NET1: variants seen among roughly 807,000 people sequenced by gnomAD.
The protein encoded by NET1 is neuroepithelial cell-transforming gene 1 protein.
NET1 carries 42 observed loss-of-function variants against 61.1 expected under a neutral mutation model. That is an observed-to-expected ratio of 0.69 (90% CI 0.54 to 0.89). The LOEUF (loss-of-function observed/expected upper bound fraction) is 0.89, where lower values mean the gene tolerates loss of function less well. Ranked by LOEUF, NET1 falls within the 40% of genes least tolerant of loss-of-function variation. NET1 has a pLI of 0.00. For synonymous variants in NET1, 254 were observed against 281.8 expected, an observed-to-expected ratio of 0.90 and a Z score of 0.99; for missense variants, 654 against 747.3, an observed-to-expected ratio of 0.88 and a Z score of 1.46.
Position 5,427,990 on chromosome 10 carries a change from C to G in NET1, c.196-1180C>G, listed in dbSNP as rs1178317894. Among the ~76,000 whole-genome samples the G allele has an allele frequency of 6.7e-6, 1 of 148,316 alleles. No homozygotes were observed. ...TTTTATGGTAGCTTGCTTTCTGAGA[C>G]TGCCTGGCTCTGTTACTTTCTCCAC... On this transcript the variant is annotated intron_variant, in intron 2 of 11. Coordinates refer to ENST00000355029, the MANE Select transcript of NET1 (RefSeq NM_001047160.3). This position sits in a 1 kb window ranked among gnomAD's most constrained non-coding sequence, Gnocchi z 4.1.
chr10:5,412,586 C>T lies in NET1; in HGVS notation c.-107C>T. On this transcript the variant is annotated 5_prime_UTR_variant, in exon 1 of 12. Transcript: ENST00000355029. This position sits in a 1 kb window ranked among gnomAD's most constrained non-coding sequence, Gnocchi z 6.5. ...CCCCGGATGACGGCGGTGGCGGCTG[C>T]AGTCCGCTGACAGGCGCTTTCTGCC... The T allele has an allele frequency of 2.4e-6, 3 of 1,224,936 alleles. No individual in the cohort carries two copies. The highest frequency in any genetic ancestry group is 1.7e-5 in the South Asian group (1 of 59,932). 75.9% of individuals were successfully genotyped at this position (1,224,936 alleles called of 1,614,324 possible).
rs1336497190 is a variant in NET1 at position 5,437,499 on chromosome 10, G to A, written c.255+8270G>A. On this transcript the variant is annotated intron_variant, in intron 3 of 11. Coordinates refer to ENST00000355029, the MANE Select transcript of NET1 (RefSeq NM_001047160.3). The surrounding 1 kb of genome is among the most constrained non-coding windows in gnomAD (Gnocchi z 4.3). Reference sequence around the variant, plus strand: ...ACTTTACCTTCTGGTGCACAAGGAGGGACCATGTTTGTGTCTCTATTATAG... The same window carrying A: ...ACTTTACCTTCTGGTGCACAAGGAGAGACCATGTTTGTGTCTCTATTATAG... 6.6e-6 allele frequency among the ~76,000 whole-genome samples: 1 copy of A among 151,978 alleles called. No homozygotes were observed. Among genetic ancestry groups the A allele is most frequent in the Non-Finnish European group, 1.5e-5 (1 of 67,986 alleles).
Position 5,456,822 on chromosome 10 carries a change from C to T in NET1, c.1619C>T (p.Thr540Ile). The change falls in exon 12 of 12, where the codon ACA (threonine) becomes ATA (isoleucine). Residue 540 changes from threonine (T) to isoleucine (I), a missense_variant. Coordinates refer to ENST00000355029, the MANE Select transcript of NET1 (RefSeq NM_001047160.3). The surrounding 1 kb of genome is among the most constrained non-coding windows in gnomAD (Gnocchi z 7.0). ...RKLTAQRRAS[T>I]VSSVTQVEVD... is the part of the protein sequence containing the mutation. ...CTCACAGCCCAGAGGAGGGCATCCA[C>T]AGTTTCCAGTGTTACTCAGGTAGAA... 1 of 1,613,834 alleles carries T rather than the reference C, an allele frequency of 6.2e-7. No individual in the cohort carries two copies. Among genetic ancestry groups the T allele is most frequent in the Non-Finnish European group, 8.5e-7 (1 of 1,179,880 alleles).
At chr10:5,433,656 A>C (rs149373646) in intron 3 of NET1, among the ~76,000 whole-genome samples, 38 of 152,308 alleles carry the variant, frequency 2.5e-4, no homozygotes, top group African/African-American at 7.7e-4. Flanking sequence ...GTGTTCTGGC[A>C]TAAACTATGT....
chr10:5,452,843 G>A lies in NET1; in HGVS notation c.532-15G>A, dbSNP rs375350773. 8.2e-5 allele frequency: 132 copies of A among 1,609,264 alleles called. No homozygotes were observed. The African/African-American group carries it at 1.3e-3, about 16-fold the overall frequency. ...CTCGAAGGAATGACCTCTGATGTTT[G>A]CTGGATGTTTTTAGGCAATATATGA... is the stretch of plus-strand genomic sequence containing the variant. On this transcript the variant is annotated splice_polypyrimidine_tract_variant and intron_variant, in intron 5 of 11. Transcript: ENST00000355029. The surrounding 1 kb of genome is among the most constrained non-coding windows in gnomAD (Gnocchi z 4.0).
chr10:5,452,745 G>T lies in NET1; in HGVS notation c.532-113G>T. 1.9e-6 allele frequency: 2 copies of T among 1,055,988 alleles called. No homozygotes were observed. The highest frequency in any genetic ancestry group is 2.8e-6 in the Non-Finnish European group (2 of 716,126). 65.4% of individuals were successfully genotyped at this position (1,055,988 alleles called of 1,614,324 possible). ...ATTCCATTCTGAATTACAATTTTCA[G>T]ACTGAGTTACTTTTTAAAATGCCGT... On this transcript the variant is annotated intron_variant, in intron 5 of 11. Transcript: ENST00000355029. The surrounding 1 kb of genome is among the most constrained non-coding windows in gnomAD (Gnocchi z 4.0).
chr10:5,438,688 A>G (rs866303033), intron 3 of NET1, among the ~76,000 whole-genome samples: 1 of 152,246 alleles, frequency 6.6e-6, no homozygotes, highest in East Asian at 1.9e-4. Flanking sequence ...AATCCTTCTC[A>G]TACTCTTTCA....
intron 1 of NET1, among the ~76,000 whole-genome samples, chr10:5,418,880 A>T (rs1832122608): frequency 6.6e-6 from 1 of 152,180 alleles, no homozygotes; most frequent in Non-Finnish European, 1.5e-5. Flanking sequence ...ACTATCATTA[A>T]TCTCAAATTC....
intron 3 of NET1, among the ~76,000 whole-genome samples, chr10:5,450,748 T>G (rs1224122177): frequency 3.3e-5 from 5 of 152,188 alleles, no homozygotes; most frequent in Non-Finnish European, 7.4e-5. Flanking sequence ...CCTGCTAGTT[T>G]TATGATCTGG....
chr10:5,419,303 CTTGG>C (rs71294428), intron 1 of NET1, among the ~76,000 whole-genome samples: 32,695 of 142,410 alleles, frequency 0.23, 3,678 homozygotes, highest in African/African-American at 0.28. Flanking sequence ...ATAGTTGGAT[CTTGG>C]TTGGTTGGTT....
chr10:5,426,479 T>C lies in NET1; in HGVS notation c.129-176T>C, dbSNP rs1832259533. On this transcript the variant is annotated intron_variant, in intron 1 of 11. Transcript: ENST00000355029. The surrounding 1 kb of genome is among the most constrained non-coding windows in gnomAD (Gnocchi z 4.6). ...CTGAGAATGACCAAAACCTATACCCTGTTTGTTTGTTTTTTATATATATAT... is the reference window on the plus strand; with the variant it reads ...CTGAGAATGACCAAAACCTATACCCCGTTTGTTTGTTTTTTATATATATAT... Among the ~76,000 whole-genome samples, 1 of 152,142 alleles carries C rather than the reference T, an allele frequency of 6.6e-6. No homozygotes were observed. Among genetic ancestry groups the C allele is most frequent in the South Asian group, 2.1e-4 (1 of 4,832 alleles).
chr10:5,450,467 C>A (rs1470509260), intron 3 of NET1, among the ~76,000 whole-genome samples: 1 of 151,892 alleles, frequency 6.6e-6, no homozygotes, highest in African/African-American at 2.4e-5. Context: ...CAAAAATGGT[C>A]AATATAGTCT....
chr10:5,430,217 T>C (rs1832326512), intron 3 of NET1, among the ~76,000 whole-genome samples: 1 of 152,182 alleles, frequency 6.6e-6, no homozygotes, highest in Non-Finnish European at 1.5e-5. Flanking sequence ...TCAAATCAAA[T>C]ACAGAAATAG....
In NET1 at chr10:5,420,040, T is replaced by C. The variant is rs180684869; in HGVS notation, c.129-6615T>C. ...AAGTTTATTGAGCTTTTTCTGAATGTGTAGGTGGTTGTTTTTCAATAAATT... is the reference window on the plus strand; with the variant it reads ...AAGTTTATTGAGCTTTTTCTGAATGCGTAGGTGGTTGTTTTTCAATAAATT... On this transcript the variant is annotated intron_variant, in intron 1 of 11. Coordinates refer to ENST00000355029, the MANE Select transcript of NET1 (RefSeq NM_001047160.3). The surrounding 1 kb of genome is among the most constrained non-coding windows in gnomAD (Gnocchi z 5.3). 1.1e-4 allele frequency among the ~76,000 whole-genome samples: 17 copies of C among 152,342 alleles called. No homozygotes were observed. Among genetic ancestry groups the C allele is most frequent in the Non-Finnish European group, 7.4e-5 (5 of 68,024 alleles).
At chr10:5,436,244 A>T (rs1832434751) in intron 3 of NET1, among the ~76,000 whole-genome samples, 1 of 22,454 alleles carries the variant, frequency 4.5e-5, no homozygotes, top group African/African-American at 1.4e-4. Flanking sequence ...ATATATATAT[A>T]TATATTTTTT....
rs1251305389 is a variant in NET1 at position 5,431,029 on chromosome 10, G to A, written c.255+1800G>A. ...TGGGATTACAGGTGCCCGCCACCACGCCCGGCTAATTTTTTGTATTTTCAG... is the reference window on the plus strand; with the variant it reads ...TGGGATTACAGGTGCCCGCCACCACACCCGGCTAATTTTTTGTATTTTCAG... On this transcript the variant is annotated intron_variant, in intron 3 of 11. Coordinates refer to ENST00000355029, the MANE Select transcript of NET1 (RefSeq NM_001047160.3). The surrounding 1 kb of genome is among the most constrained non-coding windows in gnomAD (Gnocchi z 4.9). Among the ~76,000 whole-genome samples the A allele has an allele frequency of 2.6e-5, 4 of 151,586 alleles. No homozygotes were observed. The South Asian group carries it at 8.4e-4, about 32-fold the overall frequency.
chr10:5,428,099 G>T (rs993974974), intron 2 of NET1, among the ~76,000 whole-genome samples: 4 of 90,844 alleles, frequency 4.4e-5, no homozygotes, highest in African/African-American at 1.3e-4. Context: ...GTTCAATTTT[G>T]ATTCAATTCC....
rs1832606582 is a variant in NET1 at position 5,446,299 on chromosome 10, G to A, written c.256-5531G>A. Among the ~76,000 whole-genome samples the A allele has an allele frequency of 6.6e-6, 1 of 152,152 alleles. No homozygotes were observed. The highest frequency in any genetic ancestry group is 2.4e-5 in the African/African-American group (1 of 41,430). The stretch of plus-strand genomic sequence containing the variant: ...TCTATTTCCTTATTTGAGTTGTCAA[G>A]TTGTCCATACTGAACTTATTCCCAT... On this transcript the variant is annotated intron_variant, in intron 3 of 11. Transcript: ENST00000355029. The surrounding 1 kb of genome is among the most constrained non-coding windows in gnomAD (Gnocchi z 5.0).
In NET1 at chr10:5,424,944, A is replaced by C. The variant is rs1336294542; in HGVS notation, c.129-1711A>C. Among the ~76,000 whole-genome samples, 6 of 152,172 alleles carry C rather than the reference A, an allele frequency of 3.9e-5. No individual in the cohort carries two copies. Among genetic ancestry groups the C allele is most frequent in the Admixed American group, 2.6e-4 (4 of 15,274 alleles). On this transcript the variant is annotated intron_variant, in intron 1 of 11. Transcript: ENST00000355029. The surrounding 1 kb of genome is among the most constrained non-coding windows in gnomAD (Gnocchi z 6.1). The stretch of plus-strand genomic sequence containing the variant: ...CCCAACTGAGCAGTCTTGCCTTCTT[A>C]CAATCTATTGTTCACGTTACTTAAG...
Sources: allele counts gnomAD v4.1 joint callset (sites outside exome capture counted in the v4.1 genomes callset), GRCh38; gene constraint gnomAD v4.1.1; non-coding constraint Gnocchi (gnomAD v3.1); transcripts MANE v1.5; gene names NCBI Gene and HGNC (gene_info 2026-07-23, HGNC 2026-07-21).